Variants in CFAP46 observed in about 807,000 individuals in gnomAD.
The protein encoded by CFAP46 is cilia- and flagella-associated protein 46.
Under a neutral mutation model 325.7 loss-of-function variants are expected in CFAP46, and 245 were observed. That is an observed-to-expected ratio of 0.75 (90% CI 0.68 to 0.84). The LOEUF (loss-of-function observed/expected upper bound fraction) is 0.84, where lower values mean the gene tolerates loss of function less well. Ranked by LOEUF, CFAP46 falls within the 40% of genes least tolerant of loss-of-function variation. The pLI, the probability that CFAP46 is intolerant of heterozygous loss-of-function variation, is 0.00. For synonymous variants in CFAP46, 1,523 were observed against 1,495.9 expected (o/e 1.02, Z -0.42); for missense variants, 3,346 against 3,543.0 (o/e 0.94, Z 1.41).
In CFAP46 at chr10:132,916,625, G is replaced by A. The variant is rs555749178; in HGVS notation, c.2044C>T (p.Pro682Ser). 1.3e-5 allele frequency: 20 copies of A among 1,540,652 alleles called. No individual in the cohort carries two copies. In the African/African-American group the frequency reaches 2.2e-4, roughly 17 times the overall value. ...GVELNDRAIPPEDLSQHPAGY... is the reference protein window; with the variant it reads ...GVELNDRAIPSEDLSQHPAGY... The stretch of plus-strand genomic sequence containing the variant: ...GCTGGGTGCTGGCTCAGGTCTTCGG[G>A]GGGGATGGCCCGGTCATTCAGCTCT... Residue 682 changes from proline (P) to serine (S), a missense_variant, in exon 17 of 58, where the codon CCC (proline) becomes TCC (serine). By Grantham distance (74) the Pro-to-Ser change is moderately conservative. Coordinates refer to ENST00000368586, the MANE Select transcript of CFAP46 (RefSeq NM_001200049.3).
chr10:132,893,724 T>G (rs1343428392), intron 24 of CFAP46, among the ~76,000 whole-genome samples: 2 of 152,262 alleles, frequency 1.3e-5, no homozygotes, highest in African/African-American at 4.8e-5. Flanking sequence ...CCGCTCGGCC[T>G]CTTCCCAGTG....
intron 44 of CFAP46, among the ~76,000 whole-genome samples, chr10:132,845,568 T>C (rs1480260780): frequency 6.6e-6 from 1 of 152,218 alleles, no homozygotes; most frequent in Non-Finnish European, 1.5e-5. Flanking sequence ...ATTCAAGAAA[T>C]GTCGTCGTCT....
In CFAP46 at chr10:132,906,887, C is replaced by T. The variant is rs568283985; in HGVS notation, c.2924+1581G>A. Among the ~76,000 whole-genome samples, 64 of 151,858 alleles carry T rather than the reference C, an allele frequency of 4.2e-4. 4 individuals are homozygous for T. The highest frequency in any genetic ancestry group is 1.4e-3 in the African/African-American group (56 of 41,392). The stretch of plus-strand genomic sequence containing the variant: ...CTGAGAAGAGTGAATGGGGTCCTGG[C>T]GCGTGATGCCCCGTGCTGGGCACTG... On this transcript the variant is annotated intron_variant, in intron 22 of 57. Coordinates refer to ENST00000368586, the MANE Select transcript of CFAP46 (RefSeq NM_001200049.3).
chr10:132,832,286 A>G lies in CFAP46; in HGVS notation c.7117+1072T>C, dbSNP rs1848158428. ...AGATCTCGGAGTGGCCGTTCCTTGC[A>G]GCTCTCTCCTTCCAGGTGTCCCGCC... is the stretch of plus-strand genomic sequence containing the variant. On this transcript the variant is annotated intron_variant, in intron 50 of 57. Coordinates refer to ENST00000368586, the MANE Select transcript of CFAP46 (RefSeq NM_001200049.3). The surrounding 1 kb of genome is among the most constrained non-coding windows in gnomAD (Gnocchi z 4.1). Among the ~76,000 whole-genome samples the G allele has an allele frequency of 6.6e-6, 1 of 151,274 alleles. No homozygotes were observed. Among genetic ancestry groups the G allele is most frequent in the South Asian group, 2.1e-4 (1 of 4,774 alleles).
intron 50 of CFAP46, among the ~76,000 whole-genome samples, chr10:132,822,957 G>GGTGATGTGTGCTGTGTGTGCA (rs1203438092): frequency 1.5e-4 from 21 of 136,600 alleles, no homozygotes; most frequent in Admixed American, 2.2e-4. Flanking sequence ...CTGTGTGTGT[G>GGTGATGTGTGCTGTGTGTGCA]GTGATGTGTG....
rs1409345600 is a variant in CFAP46 at position 132,926,648 on chromosome 10, C to T, written c.985G>A (p.Glu329Lys). The T allele has an allele frequency of 5.2e-6, 8 of 1,536,130 alleles. No homozygotes were observed. Among genetic ancestry groups the T allele is most frequent in the Middle Eastern group, 1.7e-4 (1 of 5,990 alleles). The change falls in exon 10 of 58, where the codon GAA becomes AAA. Residue 329 changes from glutamate (E) to lysine (K), a missense_variant. By Grantham distance (56) the Glu-to-Lys change is moderately conservative. Coordinates refer to ENST00000368586, the MANE Select transcript of CFAP46 (RefSeq NM_001200049.3). ...GATTCACACTCCAGACATTCCATTT[C>T]AATAAGCTTCCCAGGATCCTGCAGA... Reference protein sequence around the residue: ...MESKDPGKLIEMECLECESEA... With the variant: ...MESKDPGKLIKMECLECESEA...
rs549443468 is a variant in CFAP46, at chr10:132,832,436, C to A, written c.7117+922G>T. Among the ~76,000 whole-genome samples the A allele has an allele frequency of 6.9e-6, 1 of 144,032 alleles. No homozygotes were observed. The highest frequency in any genetic ancestry group is 2.6e-5 in the African/African-American group (1 of 38,398). 94.5% of individuals were successfully genotyped at this position (144,032 alleles called of 152,430 possible). ...CCTGGAAATTCCCCAGAGAGTAAGACCTGGGTGGGCCATGGCGCTCGCCAG... is the reference window on the plus strand; with the variant it reads ...CCTGGAAATTCCCCAGAGAGTAAGAACTGGGTGGGCCATGGCGCTCGCCAG... On this transcript the variant is annotated intron_variant, in intron 50 of 57. Transcript: ENST00000368586. This position sits in a 1 kb window ranked among gnomAD's most constrained non-coding sequence, Gnocchi z 4.1.
chr10:132,916,995 C>T (rs1410572660), intron 16 of CFAP46, among the ~76,000 whole-genome samples: 4 of 152,202 alleles, frequency 2.6e-5, no homozygotes, highest in African/African-American at 9.6e-5. Context: ...CACCGGCCAG[C>T]ATTTGCACCT....
chr10:132,848,358 G>T (rs1167681007), intron 41 of CFAP46, among the ~76,000 whole-genome samples: 1 of 152,202 alleles, frequency 6.6e-6, no homozygotes, highest in Non-Finnish European at 1.5e-5. Flanking sequence ...TGGAGAAACA[G>T]CCTGAAATGT....
At chr10:132,848,811 C>T (rs771815759) in intron 41 of CFAP46, among the ~76,000 whole-genome samples, 31 of 152,128 alleles carry the variant, frequency 2.0e-4, no homozygotes, top group Admixed American at 1.8e-3. Flanking sequence ...CCTGTGTCCA[C>T]GCGCCTTAAT....
intron 31 of CFAP46, among the ~76,000 whole-genome samples, chr10:132,875,612 C>G (rs1042017412): frequency 1.3e-5 from 2 of 152,174 alleles, no homozygotes; most frequent in African/African-American, 4.8e-5. Flanking sequence ...GTGCAGCCAG[C>G]AGGGAAGGCA....
intron 17 of CFAP46, among the ~76,000 whole-genome samples, chr10:132,916,143 C>T (rs1411742788): frequency 2.0e-5 from 3 of 152,274 alleles, no homozygotes; most frequent in African/African-American, 7.2e-5. Flanking sequence ...AGGGAGAGCA[C>T]AGCTTTTCCT....
chr10:132,887,713 G>T (rs199804646), intron 25 of CFAP46, among the ~76,000 whole-genome samples: 19 of 39,672 alleles, frequency 4.8e-4, no homozygotes, highest in Admixed American at 1.4e-3. Flanking sequence ...CTCTCTCTCC[G>T]CTCCTCTCTC....
rs367770458 is a variant in CFAP46 at position 132,837,551 on chromosome 10, A to G, written c.6439-637T>C. On this transcript the variant is annotated intron_variant, in intron 44 of 57. Transcript: ENST00000368586. ...CACACGCACACGTACACAGATGCGC[A>G]CACACAGACATGCACGGACACACAC... Among the ~76,000 whole-genome samples the G allele has an allele frequency of 7.4e-5, 11 of 148,670 alleles. No individual in the cohort carries two copies. In the South Asian group the frequency reaches 1.1e-3, roughly 14 times the overall value.
In CFAP46 at chr10:132,846,526, G is replaced by T. The variant is rs1848439633; in HGVS notation, c.6268-299C>A. On this transcript the variant is annotated intron_variant, in intron 43 of 57. Transcript: ENST00000368586. ...CCTCTGTGAGGTCCACACGGACAGG[G>T]ACCTGCTGGCCTGCAACTGCTGGGT... 2.0e-5 allele frequency among the ~76,000 whole-genome samples: 3 copies of T among 151,684 alleles called. No homozygotes were observed. The South Asian group carries it at 6.3e-4, about 32-fold the overall frequency.
In CFAP46 at chr10:132,857,794, TA is replaced by T. The variant is rs753940675; in HGVS notation, c.5376-7del. On this transcript the variant is annotated splice_polypyrimidine_tract_variant and splice_region_variant and intron_variant, in intron 38 of 57. Coordinates refer to ENST00000368586, the MANE Select transcript of CFAP46 (RefSeq NM_001200049.3). ...TCTCGTTCTGGGCACGTAACCTTTA[TA>T]AGACATAAGAATGGAATTTTAAAAC... 7.3e-6 allele frequency: 11 copies of T among 1,509,828 alleles called. No individual in the cohort carries two copies. The highest frequency in any genetic ancestry group is 1.4e-5 in the African/African-American group (1 of 70,672). The allele number at this position is 1,509,828 out of a possible 1,614,324, so 93.5% of individuals were successfully genotyped here. A position where few individuals can be genotyped will look rare whatever the true frequency, so the allele number is the denominator to read the frequency against.
chr10:132,885,942 C>T lies in CFAP46; in HGVS notation c.3322G>A (p.Ala1108Thr). 2 of 1,550,068 alleles carry T rather than the reference C, an allele frequency of 1.3e-6. No homozygotes were observed. Among genetic ancestry groups the T allele is most frequent in the Non-Finnish European group, 1.7e-6 (2 of 1,146,744 alleles). Residue 1108 changes from alanine (A) to threonine (T), a missense_variant, in exon 26 of 58, where the codon GCG becomes ACG. Transcript: ENST00000368586. Reference sequence around the variant, plus strand: ...AGGCCGTAGAGCGCAGCACGGAGCGCCAGGTCGTCCTCAGCCCCTGGGAGG... The same window carrying T: ...AGGCCGTAGAGCGCAGCACGGAGCGTCAGGTCGTCCTCAGCCCCTGGGAGG... Reference protein sequence around the residue: ...YFLPGAEDDLALRAALYGLLF... With the variant: ...YFLPGAEDDLTLRAALYGLLF...
chr10:132,830,053 G>T (rs1348425904), intron 50 of CFAP46, among the ~76,000 whole-genome samples: 1 of 151,468 alleles, frequency 6.6e-6, no homozygotes, highest in African/African-American at 2.4e-5. Flanking sequence ...CAGAAAATCA[G>T]TTGGGAAGCA....
At chr10:132,870,322 G>A (rs1263850139) in intron 32 of CFAP46, among the ~76,000 whole-genome samples, 1 of 152,204 alleles carries the variant, frequency 6.6e-6, no homozygotes, top group South Asian at 2.1e-4. Context: ...ATAACCCTAC[G>A]ATGGGCTCTT....
Sources: allele counts gnomAD v4.1 joint callset (sites outside exome capture counted in the v4.1 genomes callset), GRCh38; gene constraint gnomAD v4.1.1; non-coding constraint Gnocchi (gnomAD v3.1); transcripts MANE v1.5; gene names NCBI Gene and HGNC (gene_info 2026-07-23, HGNC 2026-07-21).